IFNA13: variants seen among roughly 807,000 people sequenced by gnomAD.
The protein encoded by IFNA13 is interferon alpha-13.
For missense variants in IFNA13, 166 were observed against 220.7 expected (o/e 0.75, Z 1.57); for synonymous variants, 61 against 86.3 (o/e 0.71, Z 1.62).
chr9:21,367,509 C>T, exon 1 of IFNA13: 1 of 1,590,988 alleles, frequency 6.3e-7, no homozygotes, highest in East Asian at 2.2e-5. Context: ...TCTGCTCTGA[C>T]AACCTCCCAG....
Position 21,367,901 on chromosome 9 carries a change from C to T in IFNA13, c.110G>A (p.Arg37Lys), listed in dbSNP as rs530494185. 8.0e-5 allele frequency: 129 copies of T among 1,610,704 alleles called. 1 individual carries two copies. In the South Asian group the frequency reaches 1.4e-3, roughly 17 times the overall value. ...CATTTGTGCCAGGAGCATCAAGGTC[C>T]TCCTGTTATCCAGGCTGTGGGTCTC... The change falls in exon 1 of 1, where the codon AGG becomes AAG. Residue 37 changes from arginine (R) to lysine (K), a missense_variant. Transcript: ENST00000610660.
At chr9:21,367,658 T>C (rs1820648158) in exon 1 of IFNA13, 1 of 1,522,722 alleles carries the variant, frequency 6.6e-7, no homozygotes, top group Non-Finnish European at 8.8e-7. Flanking sequence ...TTCCAAGTCA[T>C]TCAGCTGCTG....
exon 1 of IFNA13, chr9:21,367,947 A>G (rs1274271993): frequency 8.1e-6 from 13 of 1,612,746 alleles, no homozygotes; most frequent in Non-Finnish European, 1.0e-5. Context: ...CAGCCCAGAG[A>G]GCAGCTTGAC....
chr9:21,368,022 A>G, exon 1 of IFNA13: 1 of 1,612,788 alleles, frequency 6.2e-7, no homozygotes, highest in Non-Finnish European at 8.5e-7. Context: ...GATATTGCAG[A>G]TGCTTCTGGG....
exon 1 of IFNA13, chr9:21,367,613 G>A (rs1403397498): frequency 6.3e-7 from 1 of 1,581,634 alleles, no homozygotes; most frequent in Non-Finnish European, 8.6e-7. Context: ...CATCAGGGGA[G>A]TTTCTCCCAC....
exon 1 of IFNA13, chr9:21,368,049 ACT>A (rs758943157): frequency 3.1e-6 from 5 of 1,608,484 alleles, no homozygotes; most frequent in Non-Finnish European, 4.2e-6. Flanking sequence ...GAGATGGGTG[ACT>A]CTGAACCTTG....
At chr9:21,367,608 G>A in exon 1 of IFNA13, 2 of 1,586,132 alleles carry the variant, frequency 1.3e-6, no homozygotes, top group Non-Finnish European at 1.7e-6. Flanking sequence ...GCATTCATCA[G>A]GGGAGTTTCT....
exon 1 of IFNA13, chr9:21,367,691 T>C: frequency 6.9e-7 from 1 of 1,454,998 alleles, no homozygotes; most frequent in East Asian, 2.4e-5. Flanking sequence ...GCAGAATTTG[T>C]CTAGGAGGTC....
rs754631418 is a variant in IFNA13 at position 21,367,448 on chromosome 9, C to A, written c.563G>T (p.Arg188Met). Residue 188 changes from arginine (R) to methionine (M), a missense_variant, in exon 1 of 1, where the codon AGG becomes ATG. Coordinates refer to ENST00000610660, the Ensembl canonical transcript of IFNA13. ...ATGTTGGACCAGGTGTTATTCCTTC[C>A]TCCTTAATCTTTCTTGCAAGTTTGT... 8 of 1,613,890 alleles carry A rather than the reference C, an allele frequency of 5.0e-6. No homozygotes were observed. In the South Asian group the frequency reaches 8.8e-5, roughly 18 times the overall value.
chr9:21,367,647 C>T, exon 1 of IFNA13: 1 of 1,536,706 alleles, frequency 6.5e-7, no homozygotes, highest in Non-Finnish European at 8.8e-7. Flanking sequence ...ATCACACAGG[C>T]TTCCAAGTCA....
chr9:21,367,706 T>G (rs1246712351), exon 1 of IFNA13: 14 of 1,433,792 alleles, frequency 9.8e-6, no homozygotes, highest in Admixed American at 2.2e-5. Context: ...GAGGTCCTCA[T>G]CCCAAGCAGC....
exon 1 of IFNA13, chr9:21,367,809 C>G: frequency 2.5e-6 from 4 of 1,592,360 alleles, no homozygotes; most frequent in Non-Finnish European, 2.6e-6. Context: ...TGGTTGCCAT[C>G]AAACTCCTCC....
At chr9:21,367,414 A>G, downstream of IFNA13, 1 of 1,613,324 alleles carries the variant, frequency 6.2e-7, no homozygotes, top group South Asian at 1.1e-5. Context: ...AGTCAATAAG[A>G]ATTGTTTCAT....
downstream of IFNA13, chr9:21,367,388 C>T (rs747559121): frequency 1.5e-5 from 24 of 1,604,952 alleles, no homozygotes; most frequent in Middle Eastern, 1.7e-4. Flanking sequence ...TTCATGAAAG[C>T]GTGACCTGGT....
At chr9:21,367,515 C>T in exon 1 of IFNA13, 10 of 1,590,850 alleles carry the variant, frequency 6.3e-6, no homozygotes, top group Non-Finnish European at 8.5e-6. Context: ...CTGACAACCT[C>T]CCAGGCACAA....
chr9:21,367,472 G>A, exon 1 of IFNA13: 1 of 1,612,596 alleles, frequency 6.2e-7, no homozygotes, highest in Non-Finnish European at 8.5e-7. Context: ...TTGCAAGTTT[G>A]TTGATAAAGA....
chr9:21,367,917 T>A, exon 1 of IFNA13: 1 of 1,611,542 alleles, frequency 6.2e-7, no homozygotes, highest in East Asian at 2.2e-5. Context: ...TTATCCAGGC[T>A]GTGGGTCTCA....
At chr9:21,368,043 T>C (rs1317012164) in exon 1 of IFNA13, 2 of 1,611,824 alleles carry the variant, frequency 1.2e-6, no homozygotes, top group Admixed American at 3.4e-5. Context: ...CTTGCTGAGA[T>C]GGGTGACTCT....
In IFNA13 at chr9:21,367,702, C is replaced by A. The variant is rs762650289; in HGVS notation, c.309G>T (p.Glu103Asp). The change falls in exon 1 of 1, where the codon GAG becomes GAT. Residue 103 changes from glutamate (E) to aspartate (D), a missense_variant. By Grantham distance (45) the Glu-to-Asp change is conservative (BLOSUM62 2). Coordinates refer to ENST00000610660, the Ensembl canonical transcript of IFNA13. The stretch of plus-strand genomic sequence containing the variant: ...CGGTGCAGAATTTGTCTAGGAGGTC[C>A]TCATCCCAAGCAGCAGATGAATCTT... 5 of 1,437,386 alleles carry A rather than the reference C, an allele frequency of 3.5e-6. No homozygotes were observed. The East Asian group carries it at 1.2e-4, about 34-fold the overall frequency. 89.0% of individuals were successfully genotyped at this position (1,437,386 alleles called of 1,614,324 possible).
Sources: allele counts gnomAD v4.1 joint callset, GRCh38; gene constraint gnomAD v4.1.1; transcripts MANE v1.5; gene names NCBI Gene and HGNC (gene_info 2026-07-23, HGNC 2026-07-21).